The following MARF1 variants were observed in gnomAD, a reference collection of about 807,000 sequenced individuals.
MARF1 encodes meiosis regulator and mRNA stability factor 1.
Under a neutral mutation model 168.2 loss-of-function variants are expected in MARF1, and 24 were observed. The ratio of observed to expected loss-of-function variants is 0.14; its 90% confidence interval spans 0.10 to 0.20. The LOEUF (loss-of-function observed/expected upper bound fraction) is 0.20. Among genes scored for constraint, MARF1 ranks in the 10% least tolerant of loss-of-function variants. The probability of loss-of-function intolerance (pLI) is 1.00; values close to 1 mark genes in which losing one functional copy is unlikely to be tolerated. For synonymous variants in MARF1, 868 were observed against 822.4 expected, an observed-to-expected ratio of 1.06 and a Z score of -0.95; for missense variants, 1,744 against 2,143.6, an observed-to-expected ratio of 0.81 and a Z score of 3.68.
At chr16:15,606,543 T>C (rs2033029381) in intron 21 of MARF1, among the ~76,000 whole-genome samples, 1 of 151,978 alleles carries the variant, frequency 6.6e-6, no homozygotes, top group African/African-American at 2.4e-5. Context: ...CTGCCTCTCC[T>C]CTCTCTCTCT....
intron 2 of MARF1, 23 bp from the exon 3 acceptor site, chr16:15,636,365 T>C (rs567031038): frequency 6.6e-7 from 1 of 1,513,236 alleles, no homozygotes; most frequent in South Asian, 1.3e-5. Flanking sequence ...AATCAGAACA[T>C]AAATTAATTT....
At chr16:15,599,087 T>G in intron 25 of MARF1, 63 bp from the exon 26 acceptor site, 1 of 1,470,638 alleles carries the variant, frequency 6.8e-7, no homozygotes, top group Non-Finnish European at 9.4e-7. Context: ...GCACACACCC[T>G]GGGCTCACAC....
In MARF1 at chr16:15,620,494, A is replaced by C. The variant is rs753658527; in HGVS notation, c.2677T>G (p.Cys893Gly). 1.2e-6 allele frequency: 2 copies of C among 1,613,330 alleles called. No individual in the cohort carries two copies. Among genetic ancestry groups the C allele is most frequent in the South Asian group, 2.2e-5 (2 of 90,906 alleles). ...GTAAATTTAAACAGAGGCAGGCAAC[A>C]GGCAGGGGCATCCTGAAGAACAGAC... ...TMSVLQDAPA[C>G]CLPLFKFTDI... Residue 893 changes from cysteine to glycine, a missense_variant, in exon 13 of 27, where the codon TGT becomes GGT. This residue lies in a region of MARF1 where 543 missense variants were observed against 742.1 expected (regional missense o/e 0.73). Coordinates refer to ENST00000396368, the MANE Select transcript of MARF1 (RefSeq NM_014647.4).
chr16:15,612,012 G>GTT (rs1310764508), intron 17 of MARF1, among the ~76,000 whole-genome samples: 1 of 152,166 alleles, frequency 6.6e-6, no homozygotes, highest in Non-Finnish European at 1.5e-5. Flanking sequence ...AAGAAAAGTC[G>GTT]TGAGTACAGA....
Position 15,623,038 on chromosome 16 carries a change from G to A in MARF1, c.2356C>T (p.Pro786Ser). ...TGGACATCAGCACCATTTGCAAATG[G>A]GTCTGGGCAGTCGGCTTCGCTGCTC... ...NSSSEADCPDPFANGADVQVS... is the reference protein window; with the variant it reads ...NSSSEADCPDSFANGADVQVS... Residue 786 changes from proline (P) to serine (S), a missense_variant, in exon 11 of 27, where the codon CCA (proline) becomes TCA (serine). Pro to Ser is a moderately conservative substitution (Grantham distance 74). Transcript: ENST00000396368. The A allele has an allele frequency of 3.7e-6, 6 of 1,611,638 alleles. No homozygotes were observed. Among genetic ancestry groups the A allele is most frequent in the Non-Finnish European group, 5.1e-6 (6 of 1,177,968 alleles).
chr16:15,617,588 C>T lies in MARF1; in HGVS notation c.2721-53G>A. 20 of 1,130,666 alleles carry T rather than the reference C, an allele frequency of 1.8e-5. 1 individual carries two copies. In the Middle Eastern group the frequency reaches 3.5e-3, roughly 196 times the overall value. 70.0% of individuals were successfully genotyped at this position (1,130,666 alleles called of 1,614,324 possible). On this transcript the variant is annotated intron_variant, in intron 13 of 26. Coordinates refer to ENST00000396368, the MANE Select transcript of MARF1 (RefSeq NM_014647.4). ...CTTAGAAGGTTTTTCTTTGATTATACAGAAACACGCATCCTGTTTAAATAA... is the reference window on the plus strand; with the variant it reads ...CTTAGAAGGTTTTTCTTTGATTATATAGAAACACGCATCCTGTTTAAATAA...
intron 2 of MARF1, among the ~76,000 whole-genome samples, chr16:15,638,240 C>T (rs771193756): frequency 6.6e-6 from 1 of 151,994 alleles, no homozygotes; most frequent in Non-Finnish European, 1.5e-5. Flanking sequence ...ATCCCACATA[C>T]AATAGAAAAT....
chr16:15,623,244 A>C (rs965534317), intron 10 of MARF1, 121 bp from the exon 11 acceptor site: 25 of 585,742 alleles, frequency 4.3e-5, no homozygotes, highest in Non-Finnish European at 5.5e-5. Flanking sequence ...CAACCAAACC[A>C]AACATTTGGT....
intron 12 of MARF1, 131 bp downstream of exon 12, chr16:15,621,602 A>G: frequency 2.3e-6 from 2 of 876,436 alleles, no homozygotes; most frequent in Non-Finnish European, 3.5e-6. Flanking sequence ...GTATCAATCT[A>G]GAATAAGCAT....
chr16:15,600,975 A>C (rs2032362248), intron 23 of MARF1: 1 of 673,758 alleles, frequency 1.5e-6, no homozygotes, highest in Non-Finnish European at 2.7e-6. Flanking sequence ...TCTTCCAAAC[A>C]CCAGCTTTGG....
At chr16:15,639,320 T>C in intron 1 of MARF1, 29 bp from the exon 2 acceptor site, 1 of 1,446,062 alleles carries the variant, frequency 6.9e-7, no homozygotes, top group South Asian at 1.3e-5. Flanking sequence ...ATTTCAGTGT[T>C]ATTTCCTTGC....
intron 7 of MARF1, 62 bp downstream of exon 7, chr16:15,630,270 C>A: frequency 6.7e-7 from 1 of 1,485,278 alleles, no homozygotes; most frequent in Non-Finnish European, 9.2e-7. Flanking sequence ...TTATTATGGG[C>A]TGTCTTTCAG....
At chr16:15,612,509 G>A in intron 17 of MARF1, 48 bp downstream of exon 17, 1 of 1,499,812 alleles carries the variant, frequency 6.7e-7, no homozygotes, top group South Asian at 1.1e-5. Flanking sequence ...CCAAAGCCAT[G>A]GAGGAACATT....
intron 7 of MARF1, among the ~76,000 whole-genome samples, chr16:15,628,886 A>G (rs1460081387): frequency 6.6e-6 from 1 of 152,190 alleles, no homozygotes; most frequent in Non-Finnish European, 1.5e-5. Flanking sequence ...ATAAAAAGAA[A>G]TGTATCTTAA....
rs2033667230 is a variant in MARF1, at chr16:15,612,596, C to T, written c.3435G>A (p.Lys1145=). 3 of 1,614,042 alleles carry T rather than the reference C, an allele frequency of 1.9e-6. No homozygotes were observed. The highest frequency in any genetic ancestry group is 2.5e-6 in the Non-Finnish European group (3 of 1,180,028). ...GCACTGCTTCTAATAACTCAATCAG[C>T]TTGGAGTATCCGTAGTCTGACACTC... is the stretch of plus-strand genomic sequence containing the variant. ...QCRVSDYGYS[K]LIELLEAVPH... Residue 1145 remains lysine (K), a synonymous_variant, in exon 17 of 27, where the codon AAG becomes AAA. Coordinates refer to ENST00000396368, the MANE Select transcript of MARF1 (RefSeq NM_014647.4).
In MARF1 at chr16:15,625,053, A is replaced by C. The variant is rs1236116531; in HGVS notation, c.2074T>G (p.Ser692Ala). Residue 692 changes from serine (S) to alanine (A), a missense_variant, in exon 9 of 27, where the codon TCG becomes GCG. Coordinates refer to ENST00000396368, the MANE Select transcript of MARF1 (RefSeq NM_014647.4). ...TTGTAAACGGGTTCTGCCACCCCCG[A>C]GTTTTTCGGCGTCGACACTGCAGCA... Reference protein sequence around the residue: ...SSAAVSTPKNSGVAEPVYKTS... With the variant: ...SSAAVSTPKNAGVAEPVYKTS... 1 of 1,614,084 alleles carries C rather than the reference A, an allele frequency of 6.2e-7. No individual in the cohort carries two copies. Among genetic ancestry groups the C allele is most frequent in the South Asian group, 1.1e-5 (1 of 91,084 alleles).
intron 12 of MARF1, among the ~76,000 whole-genome samples, chr16:15,621,266 C>T (rs1263292402): frequency 1.3e-5 from 2 of 152,130 alleles, no homozygotes; most frequent in South Asian, 2.1e-4. Flanking sequence ...ATGAATAAAA[C>T]CATCACCAGA....
Position 15,623,074 on chromosome 16 carries a change from T to A in MARF1, c.2320A>T (p.Ile774Phe), listed in dbSNP as rs748276762. Residue 774 changes from isoleucine to phenylalanine, a missense_variant, in exon 11 of 27, where the codon ATT becomes TTT. Coordinates refer to ENST00000396368, the MANE Select transcript of MARF1 (RefSeq NM_014647.4). ...LNRASPLAFN[I>F]ANSSSEADCP... ...TCGGCTTCGCTGCTCGAATTTGCAA[T>A]GTTGAAAGCAAGCGGGGATGCTCTG... is the stretch of plus-strand genomic sequence containing the variant. 6.2e-7 allele frequency: 1 copy of A among 1,610,576 alleles called. No individual in the cohort carries two copies. The highest frequency in any genetic ancestry group is 1.1e-5 in the South Asian group (1 of 90,922).
chr16:15,605,070 G>A (rs1288341272), intron 21 of MARF1, among the ~76,000 whole-genome samples: 1 of 152,182 alleles, frequency 6.6e-6, no homozygotes, highest in Non-Finnish European at 1.5e-5. Context: ...TGTCACTTGG[G>A]GACCAAACAC....
Sources: allele counts gnomAD v4.1 joint callset (sites outside exome capture counted in the v4.1 genomes callset), GRCh38; gene constraint gnomAD v4.1.1; regional missense constraint gnomAD v4.1.1; transcripts MANE v1.5; gene names NCBI Gene and HGNC (gene_info 2026-07-23, HGNC 2026-07-21).